SMAP1: variants seen among roughly 807,000 people sequenced by gnomAD.
SMAP1 encodes the protein small ArfGAP 1, also known as stromal membrane-associated protein 1.
A neutral mutation model predicts 58.5 loss-of-function variants in SMAP1; 24 were observed. The observed-to-expected ratio is 0.41, with a 90% CI of 0.30 to 0.58. The LOEUF is 0.58. Ranked by LOEUF, SMAP1 falls within the 20% of genes least tolerant of loss-of-function variation. SMAP1 has a pLI of 0.29. For synonymous variants in SMAP1, 216 were observed against 196.6 expected, an observed-to-expected ratio of 1.10 and a Z score of -0.82; for missense variants, 563 against 566.3, an observed-to-expected ratio of 0.99 and a Z score of 0.06.
At chr6:70,686,919 A>G (rs1416506377) in intron 1 of SMAP1, among the ~76,000 whole-genome samples, 1 of 152,220 alleles carries the variant, frequency 6.6e-6, no homozygotes, top group Non-Finnish European at 1.5e-5. Context: ...CCAAAATGCC[A>G]GTAGTGCCCT....
At chr6:70,722,296 A>G (rs1159972422) in intron 1 of SMAP1, among the ~76,000 whole-genome samples, 1 of 152,254 alleles carries the variant, frequency 6.6e-6, no homozygotes, top group East Asian at 1.9e-4. Context: ...AGGGAGTAGT[A>G]GAGAGCAAAT....
At chr6:70,750,117 C>G (rs544619660) in intron 2 of SMAP1, among the ~76,000 whole-genome samples, 1 of 152,228 alleles carries the variant, frequency 6.6e-6, no homozygotes, top group Admixed American at 6.5e-5. Flanking sequence ...TTTATCTGTT[C>G]CTACTCTTTA....
intron 3 of SMAP1, among the ~76,000 whole-genome samples, chr6:70,771,611 G>A (rs371127898): frequency 7.9e-5 from 12 of 152,262 alleles, no homozygotes; most frequent in African/African-American, 2.6e-4. Flanking sequence ...GGAAAAGCGC[G>A]GTGTTGGGGT....
chr6:70,745,291 G>A (rs1239237244), intron 2 of SMAP1, among the ~76,000 whole-genome samples: 1 of 152,272 alleles, frequency 6.6e-6, no homozygotes, highest in African/African-American at 2.4e-5. Flanking sequence ...TTCTTATAGG[G>A]TTTTTATGGT....
intron 6 of SMAP1, among the ~76,000 whole-genome samples, chr6:70,802,492 C>T (rs964467152): frequency 6.6e-6 from 1 of 152,058 alleles, no homozygotes; most frequent in African/African-American, 2.4e-5. Context: ...AATTGAGTAC[C>T]CTTTATTTTT....
chr6:70,840,414 A>G (rs940755561), intron 7 of SMAP1, among the ~76,000 whole-genome samples: 14 of 152,192 alleles, frequency 9.2e-5, no homozygotes, highest in African/African-American at 3.4e-4. Context: ...TTTATATTAT[A>G]TATACTTTAT....
chr6:70,698,755 C>T (rs1767511474), intron 1 of SMAP1, among the ~76,000 whole-genome samples: 1 of 151,796 alleles, frequency 6.6e-6, no homozygotes, highest in Non-Finnish European at 1.5e-5. Flanking sequence ...ATTTCAATCT[C>T]TTGTTAAATT....
Position 70,724,171 on chromosome 6 carries a change from G to GT in SMAP1, c.119-8199dup, listed in dbSNP as rs111454683. On this transcript the variant is annotated intron_variant, in intron 1 of 10. Transcript: ENST00000370455. ...TTTTTGTTGTTGTTGTTGTTTTTTT[G>GT]TTTTTTTTCTTTTTTTAAGATAGGA... Among the ~76,000 whole-genome samples, 245 of 146,656 alleles carry GT rather than the reference G, an allele frequency of 1.7e-3. 1 individual carries two copies. The highest frequency in any genetic ancestry group is 3.5e-3 in the Middle Eastern group (1 of 286).
At chr6:70,729,378 G>A (rs1765321110) in intron 1 of SMAP1, among the ~76,000 whole-genome samples, 1 of 151,106 alleles carries the variant, frequency 6.6e-6, no homozygotes, top group Admixed American at 6.6e-5. Flanking sequence ...GGTGGAGCTT[G>A]CAGTGAGCCG....
At chr6:70,741,862 C>T (rs1286366739) in intron 2 of SMAP1, among the ~76,000 whole-genome samples, 1 of 152,194 alleles carries the variant, frequency 6.6e-6, no homozygotes, top group Admixed American at 6.5e-5. Flanking sequence ...GACTTCTGTG[C>T]ACCTGCAGGC....
At chr6:70,715,068 T>C (rs1357927176) in intron 1 of SMAP1, among the ~76,000 whole-genome samples, 1 of 151,590 alleles carries the variant, frequency 6.6e-6, no homozygotes, top group Non-Finnish European at 1.5e-5. Flanking sequence ...TGATAATGTA[T>C]TGTCTCTGTG....
At chr6:70,740,136 C>T (rs1765755655) in intron 2 of SMAP1, among the ~76,000 whole-genome samples, 1 of 152,098 alleles carries the variant, frequency 6.6e-6, no homozygotes, top group Admixed American at 6.5e-5. Context: ...TGAGATTTTA[C>T]CTTGATTCTT....
At chr6:70,739,589 T>C (rs1765739097) in intron 2 of SMAP1, among the ~76,000 whole-genome samples, 1 of 152,162 alleles carries the variant, frequency 6.6e-6, no homozygotes, top group Non-Finnish European at 1.5e-5. Flanking sequence ...GCTTCTTCAG[T>C]ATGTAGTTTT....
chr6:70,783,303 C>T (rs865885127), intron 4 of SMAP1, among the ~76,000 whole-genome samples: 29 of 152,240 alleles, frequency 1.9e-4, no homozygotes, highest in African/African-American at 6.0e-4. Context: ...CCCATCTGTA[C>T]GTCACCATCA....
chr6:70,677,776 C>A (rs1169283146), intron 1 of SMAP1, among the ~76,000 whole-genome samples: 1 of 152,038 alleles, frequency 6.6e-6, no homozygotes, highest in Admixed American at 6.6e-5. Context: ...TCTTGCTGAG[C>A]AAATTTACCT....
chr6:70,716,620 C>T (rs983351310), intron 1 of SMAP1, among the ~76,000 whole-genome samples: 1 of 152,064 alleles, frequency 6.6e-6, no homozygotes, highest in Non-Finnish European at 1.5e-5. Flanking sequence ...TTGGAGTTCA[C>T]TGATCTTTTC....
chr6:70,801,505 G>A (rs1214924943), intron 6 of SMAP1, among the ~76,000 whole-genome samples: 2 of 152,108 alleles, frequency 1.3e-5, no homozygotes, highest in African/African-American at 4.8e-5. Context: ...CCATGCAGAA[G>A]CTTTTTAGTT....
In SMAP1 at chr6:70,732,481, C is replaced by T. The variant is rs757279993; in HGVS notation, c.222C>T (p.Asn74=). The change falls in exon 2 of 11, where the codon AAC becomes AAT. Residue 74 remains asparagine, a synonymous_variant. Transcript: ENST00000370455. Reference sequence around the variant, plus strand: ...ATATATCCAGGGTCAAATCAGTCAACCTAGACCAATGGACAGCAGAACAGA... The same window carrying T: ...ATATATCCAGGGTCAAATCAGTCAATCTAGACCAATGGACAGCAGAACAGA... ...GVHISRVKSV[N]LDQWTAEQIQ... is the part of the protein sequence containing the mutation. 3 of 1,607,386 alleles carry T rather than the reference C, an allele frequency of 1.9e-6. No individual in the cohort carries two copies. Among genetic ancestry groups the T allele is most frequent in the Middle Eastern group, 1.7e-4 (1 of 6,056 alleles).
At chr6:70,680,359 T>G (rs1766648997) in intron 1 of SMAP1, among the ~76,000 whole-genome samples, 1 of 152,196 alleles carries the variant, frequency 6.6e-6, no homozygotes, top group Admixed American at 6.5e-5. Context: ...AATTAAAAAC[T>G]TTTGCTTTTC....
Sources: allele counts gnomAD v4.1 joint callset (sites outside exome capture counted in the v4.1 genomes callset), GRCh38; gene constraint gnomAD v4.1.1; transcripts MANE v1.5; gene names NCBI Gene and HGNC (gene_info 2026-07-23, HGNC 2026-07-21).